Variants in EYS observed in about 807,000 individuals in gnomAD.
The protein encoded by EYS is protein eyes shut homolog.
In EYS, 250 loss-of-function variants were observed where a neutral mutation model predicts 282.1. The observed-to-expected ratio is 0.89, with a 90% CI of 0.80 to 0.98. The LOEUF is 0.98. EYS is among the 50% of genes least tolerant of loss of function. The pLI is 0.00. For synonymous variants in EYS, 1,355 were observed against 1,282.9 expected (o/e 1.06, Z -1.20); for missense variants, 4,016 against 3,709.0 (o/e 1.08, Z -2.15).
intron 2 of EYS, among the ~76,000 whole-genome samples, chr6:65,585,052 G>T (rs986075550): frequency 2.6e-5 from 4 of 151,676 alleles, no homozygotes; most frequent in South Asian, 2.1e-4. Flanking sequence ...GTGGTCCATT[G>T]TTATTTGCTT....
intron 33 of EYS, among the ~76,000 whole-genome samples, chr6:64,006,099 G>A (rs143362552): frequency 1.6e-4 from 24 of 152,232 alleles, no homozygotes; most frequent in African/African-American, 5.5e-4. Context: ...TCTTAATCAT[G>A]AGCATTGGTA....
chr6:63,765,496 A>T (rs1248960472), intron 40 of EYS, among the ~76,000 whole-genome samples: 2 of 151,546 alleles, frequency 1.3e-5, no homozygotes, highest in Non-Finnish European at 1.5e-5. Context: ...TTTTTTTTTA[A>T]AACTATTTAT....
chr6:64,945,577 T>A (rs914462126), intron 15 of EYS, among the ~76,000 whole-genome samples: 1 of 152,108 alleles, frequency 6.6e-6, no homozygotes, highest in Non-Finnish European at 1.5e-5. Flanking sequence ...CATTGCATTT[T>A]CAAGTTAAAA....
chr6:65,321,137 T>G (rs1769464148), intron 11 of EYS, among the ~76,000 whole-genome samples: 1 of 148,886 alleles, frequency 6.7e-6, no homozygotes, highest in African/African-American at 2.5e-5. Context: ...TAGTAGAGAG[T>G]ATGAAAGCCT....
chr6:64,303,604 A>C (rs964639303), intron 30 of EYS, among the ~76,000 whole-genome samples: 43 of 152,148 alleles, frequency 2.8e-4, no homozygotes, highest in African/African-American at 9.6e-4. Context: ...GCACTTTGGG[A>C]GGCCGAGACG....
intron 8 of EYS, among the ~76,000 whole-genome samples, chr6:65,382,701 A>G (rs902823419): frequency 6.6e-6 from 1 of 151,994 alleles, no homozygotes; most frequent in African/African-American, 2.4e-5. Context: ...TTGGAGTCCA[A>G]TGTTCGAGAG....
chr6:64,074,715 C>A (rs781543541), intron 32 of EYS, among the ~76,000 whole-genome samples: 1 of 151,806 alleles, frequency 6.6e-6, no homozygotes. Flanking sequence ...AAATCAGGTA[C>A]CTAGATTATT....
intron 26 of EYS, among the ~76,000 whole-genome samples, chr6:64,451,131 A>G (rs1462142824): frequency 6.6e-6 from 1 of 152,154 alleles, no homozygotes; most frequent in African/African-American, 2.4e-5. Context: ...AAGGAAGAAA[A>G]GAGAGAAGAA....
chr6:64,145,731 T>A (rs1774494486), intron 31 of EYS, among the ~76,000 whole-genome samples: 6 of 152,200 alleles, frequency 3.9e-5, no homozygotes, highest in Admixed American at 3.9e-4. Context: ...GTTTACTGTA[T>A]GACTTCAGAC....
chr6:64,024,045 G>A (rs568061622), intron 33 of EYS, among the ~76,000 whole-genome samples: 2 of 152,260 alleles, frequency 1.3e-5, no homozygotes, highest in African/African-American at 4.8e-5. Context: ...TGTGCTGCCC[G>A]AGCCTCCCCG....
chr6:64,509,797 G>C (rs1000985850), intron 26 of EYS, among the ~76,000 whole-genome samples: 1 of 152,116 alleles, frequency 6.6e-6, no homozygotes, highest in African/African-American at 2.4e-5. Flanking sequence ...ATAGCGTGCA[G>C]TATAGAAAGG....
chr6:65,296,282 C>A (rs1267130419), intron 11 of EYS, among the ~76,000 whole-genome samples, 163 bp from the exon 12 acceptor site: 1 of 151,924 alleles, frequency 6.6e-6, no homozygotes, highest in African/African-American at 2.4e-5. Flanking sequence ...CCATTCTTGG[C>A]AAAATTACTT....
chr6:64,169,386 A>G (rs958121817), intron 31 of EYS, among the ~76,000 whole-genome samples: 1 of 151,980 alleles, frequency 6.6e-6, no homozygotes, highest in Non-Finnish European at 1.5e-5. Flanking sequence ...TTATCAATCA[A>G]TTCCAACAGG....
intron 8 of EYS, among the ~76,000 whole-genome samples, chr6:65,361,521 C>T (rs1433735181): frequency 2.7e-5 from 4 of 149,386 alleles, no homozygotes; most frequent in Admixed American, 1.3e-4. Context: ...CTCTCTATCG[C>T]CCAGGCTGGA....
chr6:64,342,767 G>T (rs1771177498), intron 29 of EYS, among the ~76,000 whole-genome samples: 1 of 151,286 alleles, frequency 6.6e-6, no homozygotes, highest in African/African-American at 2.4e-5. Context: ...AGGCAAATTG[G>T]ATAAAGAGTC....
At chr6:65,509,443 G>A (rs1168477056) in intron 2 of EYS, among the ~76,000 whole-genome samples, 1 of 151,982 alleles carries the variant, frequency 6.6e-6, no homozygotes, top group Admixed American at 6.6e-5. Flanking sequence ...ATATTTTATT[G>A]TGGTTTAATT....
chr6:64,544,562 A>G, intron 26 of EYS, among the ~76,000 whole-genome samples: 1 of 152,206 alleles, frequency 6.6e-6, no homozygotes, highest in Non-Finnish European at 1.5e-5. Context: ...ATACCCTTCA[A>G]AAAATCAATG....
At chr6:65,266,886 GCATATATATA>G (rs1767767547) in intron 12 of EYS, among the ~76,000 whole-genome samples, 1 of 111,592 alleles carries the variant, frequency 9.0e-6, no homozygotes, top group African/African-American at 3.7e-5. Flanking sequence ...TAATGTGTGT[GCATATATATA>G]TATATATATA....
At chr6:64,605,195 CA>C (rs1766888278) in intron 24 of EYS, among the ~76,000 whole-genome samples, 1 of 149,314 alleles carries the variant, frequency 6.7e-6, no homozygotes, top group Non-Finnish European at 1.5e-5. Context: ...CGACTTTTCA[CA>C]ATGATTAAGT....
Sources: allele counts gnomAD v4.1 joint callset (sites outside exome capture counted in the v4.1 genomes callset), GRCh38; gene constraint gnomAD v4.1.1; transcripts MANE v1.5; gene names NCBI Gene and HGNC (gene_info 2026-07-23, HGNC 2026-07-21).